Variants in C10orf90 observed in about 807,000 individuals in gnomAD.
C10orf90 encodes (E2-independent) E3 ubiquitin-conjugating enzyme FATS.
A neutral mutation model predicts 62.5 loss-of-function variants in C10orf90; 56 were observed. The observed-to-expected ratio is 0.90, with a 90% CI of 0.72 to 1.12. The LOEUF (loss-of-function observed/expected upper bound fraction) is 1.12, where lower values mean the gene tolerates loss of function less well. Ranked by LOEUF, C10orf90 falls within the 50% of genes most tolerant of loss-of-function variation. The pLI is 0.00. For synonymous variants in C10orf90, 386 were observed against 340.4 expected (o/e 1.13, Z -1.47); for missense variants, 970 against 880.4 (o/e 1.10, Z -1.29).
chr10:126,569,887 G>C (rs1425846085), intron 2 of C10orf90, among the ~76,000 whole-genome samples: 1 of 152,086 alleles, frequency 6.6e-6, no homozygotes, highest in Non-Finnish European at 1.5e-5. Flanking sequence ...GGAGAAAGCA[G>C]GTTGTGTGTC....
intron 7 of C10orf90, among the ~76,000 whole-genome samples, chr10:126,440,936 G>C (rs554258465): frequency 6.3e-4 from 96 of 152,304 alleles, no homozygotes; most frequent in African/African-American, 2.2e-3. Context: ...CTACCCACAT[G>C]AAAAGGAACT....
chr10:126,440,408 C>A (rs1858229810), intron 7 of C10orf90, among the ~76,000 whole-genome samples: 1 of 152,148 alleles, frequency 6.6e-6, no homozygotes, highest in African/African-American at 2.4e-5. Context: ...AGAGCCTGAG[C>A]TCAGACATGC....
chr10:126,473,361 C>T (rs1475295884), intron 4 of C10orf90, among the ~76,000 whole-genome samples: 1 of 152,148 alleles, frequency 6.6e-6, no homozygotes, highest in African/African-American at 2.4e-5. Context: ...ACTTAGAAAA[C>T]CCCCATTTTG....
intron 7 of C10orf90, among the ~76,000 whole-genome samples, chr10:126,449,935 T>C (rs1834252566): frequency 6.7e-6 from 1 of 149,564 alleles, no homozygotes; most frequent in Admixed American, 6.7e-5. Flanking sequence ...AGGCAGAGGT[T>C]GCAGTGAGCC....
At chr10:126,570,118 C>A (rs560647877) in intron 2 of C10orf90, among the ~76,000 whole-genome samples, 4 of 152,290 alleles carry the variant, frequency 2.6e-5, no homozygotes, top group South Asian at 4.1e-4. Flanking sequence ...CTGAGCTCTG[C>A]GCTGATCGTA....
intron 2 of C10orf90, among the ~76,000 whole-genome samples, chr10:126,626,550 G>A (rs1845747317): frequency 6.6e-6 from 1 of 152,172 alleles, no homozygotes; most frequent in Non-Finnish European, 1.5e-5. Context: ...CCTTACCCTG[G>A]CTTGAGATAT....
intron 2 of C10orf90, among the ~76,000 whole-genome samples, chr10:126,595,178 C>A (rs1398763950): frequency 6.6e-6 from 1 of 152,106 alleles, no homozygotes; most frequent in Non-Finnish European, 1.5e-5. Context: ...TTGCACTTAA[C>A]AGTTATTAGC....
chr10:126,532,119 T>C (rs777601878), intron 2 of C10orf90, among the ~76,000 whole-genome samples: 2 of 152,212 alleles, frequency 1.3e-5, no homozygotes, highest in Non-Finnish European at 2.9e-5. Context: ...GGAGCTAGCA[T>C]GGACTTCCAC....
At chr10:126,530,710 A>C (rs1864069301) in intron 2 of C10orf90, among the ~76,000 whole-genome samples, 2 of 152,194 alleles carry the variant, frequency 1.3e-5, no homozygotes, top group Non-Finnish European at 2.9e-5. Flanking sequence ...CTGCAGGCAC[A>C]TGCGGGAAAG....
chr10:126,475,994 G>A (rs1270291910), intron 4 of C10orf90, among the ~76,000 whole-genome samples: 3 of 152,072 alleles, frequency 2.0e-5, no homozygotes, highest in Admixed American at 1.3e-4. Context: ...GGCTTACCTC[G>A]CACAAAATAC....
rs150159292 is a variant in C10orf90, at chr10:126,525,180, G to A, written c.314-11241C>T. Among the ~76,000 whole-genome samples the A allele has an allele frequency of 3.5e-3, 530 of 152,242 alleles. 7 individuals are homozygous for A. The highest frequency in any genetic ancestry group is 0.012 in the African/African-American group (514 of 41,514). ...GATGAATTATTTGCTTTTAGTTCAGGACTGGTGAACAAGCAACCCACCAGG... is the reference window on the plus strand; with the variant it reads ...GATGAATTATTTGCTTTTAGTTCAGAACTGGTGAACAAGCAACCCACCAGG... On this transcript the variant is annotated intron_variant, in intron 2 of 9. Transcript: ENST00000488181.
At chr10:126,507,352 A>T (rs1036303016) in intron 3 of C10orf90, among the ~76,000 whole-genome samples, 1 of 116,378 alleles carries the variant, frequency 8.6e-6, no homozygotes, top group African/African-American at 4.0e-5. Context: ...GCGAGACTCC[A>T]TCTCAAAAAA....
chr10:126,496,788 G>A, intron 4 of C10orf90: 1 of 864,156 alleles, frequency 1.2e-6, no homozygotes, highest in South Asian at 5.3e-5. Flanking sequence ...ATAAGCATGG[G>A]CTTTGTTGGG....
intron 2 of C10orf90, among the ~76,000 whole-genome samples, chr10:126,640,741 C>A (rs1846043554): frequency 6.6e-6 from 1 of 152,114 alleles, no homozygotes; most frequent in African/African-American, 2.4e-5. Context: ...GAGAGATAGG[C>A]AAGGGCTGGG....
chr10:126,454,621 G>A (rs1232230089), intron 7 of C10orf90, among the ~76,000 whole-genome samples: 2 of 151,332 alleles, frequency 1.3e-5, no homozygotes, highest in African/African-American at 2.4e-5. Flanking sequence ...TCCCACCTGC[G>A]GGGACTATAC....
intron 2 of C10orf90, among the ~76,000 whole-genome samples, chr10:126,611,748 T>C (rs1456430442): frequency 6.6e-6 from 1 of 152,190 alleles, no homozygotes; most frequent in Non-Finnish European, 1.5e-5. Context: ...CTTATTGCAG[T>C]GGCCAGAGAT....
At chr10:126,553,468 A>G (rs1031258186) in intron 2 of C10orf90, among the ~76,000 whole-genome samples, 1 of 152,342 alleles carries the variant, frequency 6.6e-6, no homozygotes, top group East Asian at 1.9e-4. Flanking sequence ...GACAGACCAC[A>G]TATATGATGA....
rs551706254 is a variant in C10orf90 at position 126,654,608 on chromosome 10, T to C, written c.241-7971A>G. On this transcript the variant is annotated intron_variant, in intron 1 of 9. Coordinates refer to ENST00000488181, the MANE Select transcript of C10orf90 (RefSeq NM_001350921.2). ...TTCTACTTTCTTATCATTCCTGTGT[T>C]CACTGGAGTAGCACTTTTAATTTCC... 1.1e-4 allele frequency among the ~76,000 whole-genome samples: 16 copies of C among 152,370 alleles called. No homozygotes were observed. In the South Asian group the frequency reaches 3.3e-3, roughly 32 times the overall value.
chr10:126,444,147 A>G (rs532317393), intron 7 of C10orf90, among the ~76,000 whole-genome samples: 72 of 152,298 alleles, frequency 4.7e-4, no homozygotes, highest in African/African-American at 1.6e-3. Context: ...CTCCTCTTCA[A>G]CATAGTACTG....
Sources: gnomAD v4.1 joint callset for allele counts (sites outside exome capture counted in the v4.1 genomes callset) on GRCh38, gnomAD v4.1.1 for gene constraint, MANE v1.5 for transcripts, NCBI Gene and HGNC (gene_info 2026-07-23, HGNC 2026-07-21) for gene names.